SLC35F1: variants seen among roughly 807,000 people sequenced by gnomAD.
SLC35F1 encodes chromosome 6 open reading frame 169.
Under a neutral mutation model 48.7 loss-of-function variants are expected in SLC35F1, and 14 were observed. That is an observed-to-expected ratio of 0.29 (90% confidence interval 0.19 to 0.45). The LOEUF (loss-of-function observed/expected upper bound fraction) is 0.45, where lower values mean the gene tolerates loss of function less well. Among genes scored for constraint, SLC35F1 ranks in the 20% least tolerant of loss-of-function variants. The pLI, the probability that SLC35F1 is intolerant of heterozygous loss-of-function variation, is 1.00. For missense variants in SLC35F1, 404 were observed against 500.0 expected, an observed-to-expected ratio of 0.81 and a Z score of 1.83; for synonymous variants, 190 against 202.2, an observed-to-expected ratio of 0.94 and a Z score of 0.51.
chr6:118,143,488 C>CT (rs1773922708), intron 1 of SLC35F1, among the ~76,000 whole-genome samples: 1 of 152,146 alleles, frequency 6.6e-6, no homozygotes, highest in Non-Finnish European at 1.5e-5. Flanking sequence ...TCATGTAAGA[C>CT]TTCTTAAATA....
chr6:118,192,567 CAATT>C (rs1283590647), intron 2 of SLC35F1, among the ~76,000 whole-genome samples: 3 of 152,092 alleles, frequency 2.0e-5, no homozygotes. Flanking sequence ...GTTAAATACA[CAATT>C]AACAAGGAAA....
In SLC35F1 at chr6:118,163,619, T is replaced by C. The variant is rs114654498; in HGVS notation, c.349+8999T>C. 1.3e-3 allele frequency among the ~76,000 whole-genome samples: 197 copies of C among 152,354 alleles called. 1 individual carries two copies. The highest frequency in any genetic ancestry group is 4.5e-3 in the African/African-American group (187 of 41,584). On this transcript the variant is annotated intron_variant, in intron 2 of 7. Transcript: ENST00000360388. ...AATTCTGGAAATCTTTAAGCATTCA[T>C]CTATCCATGCTGAGAGCTAGCATAG...
chr6:118,306,000 A>G (rs1776307302), intron 7 of SLC35F1, among the ~76,000 whole-genome samples: 2 of 152,344 alleles, frequency 1.3e-5, no homozygotes, highest in South Asian at 2.1e-4. Flanking sequence ...ATAGGTCATG[A>G]TAATCCTAAG....
At chr6:118,203,985 A>G (rs957913303) in intron 2 of SLC35F1, among the ~76,000 whole-genome samples, 2 of 152,110 alleles carry the variant, frequency 1.3e-5, no homozygotes, top group Non-Finnish European at 2.9e-5. Context: ...GAAAATTGCT[A>G]ATAGTAATAA....
intron 3 of SLC35F1, among the ~76,000 whole-genome samples, chr6:118,251,585 A>G (rs1037210197): frequency 2.0e-5 from 3 of 152,286 alleles, no homozygotes; most frequent in African/African-American, 7.2e-5. Context: ...GAGAGTTTCT[A>G]CTGTAGGAAT....
intron 2 of SLC35F1, among the ~76,000 whole-genome samples, chr6:118,173,394 AAC>A (rs371230813): frequency 0.031 from 3,909 of 127,736 alleles, 107 homozygotes; most frequent in African/African-American, 0.095. Flanking sequence ...TTAAAAAAAA[AAC>A]AAAAAACAAA....
chr6:118,238,459 T>G (rs1440972265), intron 3 of SLC35F1, among the ~76,000 whole-genome samples: 1 of 146,902 alleles, frequency 6.8e-6, no homozygotes, highest in South Asian at 2.2e-4. Flanking sequence ...ATAATAATAA[T>G]GGGAATTTAT....
At chr6:117,970,518 G>A (rs988895788) in intron 1 of SLC35F1, among the ~76,000 whole-genome samples, 1 of 152,100 alleles carries the variant, frequency 6.6e-6, no homozygotes, top group Non-Finnish European at 1.5e-5. Flanking sequence ...TGGGGAGGTG[G>A]ACCACAACCA....
chr6:118,118,784 G>T (rs1165204592), intron 1 of SLC35F1, among the ~76,000 whole-genome samples: 1 of 152,136 alleles, frequency 6.6e-6, no homozygotes, highest in Non-Finnish European at 1.5e-5. Flanking sequence ...TGGGAGCTAA[G>T]GAGCCTCTTT....
At chr6:117,940,931 G>T (rs370660659) in intron 1 of SLC35F1, among the ~76,000 whole-genome samples, 2 of 152,140 alleles carry the variant, frequency 1.3e-5, no homozygotes, top group African/African-American at 4.8e-5. Context: ...TTACAGGTAT[G>T]AGCTACCATG....
chr6:118,009,279 G>A (rs927877665), intron 1 of SLC35F1, among the ~76,000 whole-genome samples: 1 of 152,162 alleles, frequency 6.6e-6, no homozygotes, highest in Admixed American at 6.5e-5. Context: ...CCTAAAGATG[G>A]TGGTACTCTT....
At chr6:117,985,868 A>G (rs1776841573) in intron 1 of SLC35F1, among the ~76,000 whole-genome samples, 1 of 152,254 alleles carries the variant, frequency 6.6e-6, no homozygotes, top group African/African-American at 2.4e-5. Context: ...TGCAAATAAC[A>G]GAAAATATCG....
At chr6:118,256,480 C>T (rs1168327604) in intron 3 of SLC35F1, among the ~76,000 whole-genome samples, 1 of 152,108 alleles carries the variant, frequency 6.6e-6, no homozygotes, top group Non-Finnish European at 1.5e-5. Flanking sequence ...CTGTGATAGC[C>T]AGAGGGGAGC....
At chr6:117,967,817 A>G (rs1003653695) in intron 1 of SLC35F1, among the ~76,000 whole-genome samples, 5 of 152,164 alleles carry the variant, frequency 3.3e-5, no homozygotes, top group African/African-American at 1.2e-4. Flanking sequence ...AACTTGGGGG[A>G]GCCATTTCAA....
intron 2 of SLC35F1, among the ~76,000 whole-genome samples, chr6:118,233,169 G>A (rs770245141): frequency 3.9e-5 from 6 of 152,284 alleles, no homozygotes; most frequent in Admixed American, 6.5e-5. Context: ...GTTTCACCAC[G>A]TTGGCCAGGA....
intron 1 of SLC35F1, among the ~76,000 whole-genome samples, chr6:117,979,675 A>T (rs1313801330): frequency 6.6e-6 from 1 of 152,176 alleles, no homozygotes; most frequent in South Asian, 2.1e-4. Flanking sequence ...TTTTATAATT[A>T]TGTCTTTCTT....
chr6:118,262,599 T>G (rs1775726770), intron 3 of SLC35F1, among the ~76,000 whole-genome samples: 1 of 152,196 alleles, frequency 6.6e-6, no homozygotes, highest in South Asian at 2.1e-4. Context: ...GACGCTAGTG[T>G]TTTAGCCCCA....
At chr6:118,313,891 C>A in intron 7 of SLC35F1, 137 bp from the exon 8 acceptor site, 1 of 726,882 alleles carries the variant, frequency 1.4e-6, no homozygotes, top group East Asian at 2.7e-5. Context: ...AATTCATTCT[C>A]CATCAACGGT....
intron 4 of SLC35F1, 91 bp downstream of exon 4, chr6:118,267,245 C>T (rs887018337): frequency 1.4e-5 from 20 of 1,438,272 alleles, no homozygotes; most frequent in Non-Finnish European, 1.8e-5. Context: ...AAAACAAGGA[C>T]CTTAGGAACC....
Sources: gnomAD v4.1 joint callset for allele counts (sites outside exome capture counted in the v4.1 genomes callset) on GRCh38, gnomAD v4.1.1 for gene constraint, MANE v1.5 for transcripts, NCBI Gene and HGNC (gene_info 2026-07-23, HGNC 2026-07-21) for gene names.